Variants in ABCG2 observed in about 807,000 individuals in gnomAD.
ABCG2 encodes broad substrate specificity ATP-binding cassette transporter ABCG2.
Under a neutral mutation model 73.5 loss-of-function variants are expected in ABCG2, and 80 were observed. The observed-to-expected ratio is 1.09, with a 90% CI of 0.91 to 1.31. ABCG2 has a LOEUF of 1.31. Ranked by LOEUF, ABCG2 falls within the 50% of genes most tolerant of loss-of-function variation. ABCG2 has a pLI of 0.00. For missense variants in ABCG2, 796 were observed against 786.2 expected, an observed-to-expected ratio of 1.01 and a Z score of -0.15; for synonymous variants, 269 against 282.4, an observed-to-expected ratio of 0.95 and a Z score of 0.48.
Position 88,175,314 on chromosome 4 carries a change from A to G in ABCG2, c.-19-35300T>C, listed in dbSNP as rs561463996. Among the ~76,000 whole-genome samples the G allele has an allele frequency of 2.5e-4, 38 of 152,344 alleles. No homozygotes were observed. The South Asian group carries it at 7.7e-3, about 31-fold the overall frequency. The stretch of plus-strand genomic sequence containing the variant: ...ATCCTAGGTGTTGTATACTTCCGTT[A>G]GGAAGCTCCAAATACCTGATTTTCT... On this transcript the variant is annotated intron_variant, in intron 1 of 15. Coordinates refer to the ABCG2 transcript ENST00000515655.
intron 6 of ABCG2, among the ~76,000 whole-genome samples, chr4:88,119,462 G>A (rs1323469056): frequency 3.9e-5 from 6 of 152,226 alleles, no homozygotes; most frequent in Admixed American, 2.0e-4. Flanking sequence ...AAGAAGACAG[G>A]AAGATGTGGG....
In ABCG2 at chr4:88,153,181, G is replaced by T. The variant is rs1334499186; in HGVS notation, c.-20+5205C>A. Among the ~76,000 whole-genome samples, 16 of 150,734 alleles carry T rather than the reference G, an allele frequency of 1.1e-4. No homozygotes were observed. In the East Asian group the frequency reaches 2.8e-3, roughly 26 times the overall value. Reference sequence around the variant, plus strand: ...TTGGGGATAGCACCAGGAGATATCAGCTGTGGTGGCTTGGAGAAACAGTGT... The same window carrying T: ...TTGGGGATAGCACCAGGAGATATCATCTGTGGTGGCTTGGAGAAACAGTGT... On this transcript the variant is annotated intron_variant, in intron 1 of 15. Coordinates refer to ENST00000237612, the MANE Select transcript of ABCG2 (RefSeq NM_004827.3).
chr4:88,157,841 T>A (rs1232431704), intron 1 of ABCG2, among the ~76,000 whole-genome samples: 1 of 152,146 alleles, frequency 6.6e-6, no homozygotes, highest in African/African-American at 2.4e-5. Context: ...AAACCAAGCT[T>A]TAGGGGATAT....
chr4:88,145,745 C>T (rs1725943631), intron 1 of ABCG2, among the ~76,000 whole-genome samples: 1 of 152,018 alleles, frequency 6.6e-6, no homozygotes, highest in Admixed American at 6.6e-5. Flanking sequence ...TTCAAGACCA[C>T]CCTGGCCAAC....
chr4:88,107,988 G>A (rs1722872342), intron 9 of ABCG2, among the ~76,000 whole-genome samples: 1 of 152,180 alleles, frequency 6.6e-6, no homozygotes, highest in Non-Finnish European at 1.5e-5. Flanking sequence ...GCTTCAGCCA[G>A]TGAGGCCTAT....
chr4:88,183,420 T>G (rs1183515336), intron 1 of ABCG2, among the ~76,000 whole-genome samples: 2 of 152,018 alleles, frequency 1.3e-5, no homozygotes, highest in Non-Finnish European at 2.9e-5. Flanking sequence ...ATTCAAAGGA[T>G]CGTTAGAGTC....
chr4:88,176,165 T>G (rs1727963456), intron 1 of ABCG2, among the ~76,000 whole-genome samples: 2 of 151,822 alleles, frequency 1.3e-5, no homozygotes, highest in African/African-American at 4.8e-5. Context: ...TTGTTTTTTT[T>G]TTCTTTTTTT....
chr4:88,099,495 G>C (rs1347107354), intron 11 of ABCG2, 47 bp from the exon 12 acceptor site: 1 of 1,544,376 alleles, frequency 6.5e-7, no homozygotes, highest in African/African-American at 1.4e-5. Context: ...AGTTTAAGAA[G>C]CCACAGGGCA....
intron 1 of ABCG2, among the ~76,000 whole-genome samples, chr4:88,165,726 T>C (rs546970082): frequency 6.6e-6 from 1 of 152,070 alleles, no homozygotes; most frequent in Non-Finnish European, 1.5e-5. Context: ...ATACAAAAAT[T>C]AAGCGGGCAT....
chr4:88,132,217 G>C (rs574258516), intron 3 of ABCG2, among the ~76,000 whole-genome samples: 7 of 152,262 alleles, frequency 4.6e-5, no homozygotes, highest in African/African-American at 1.4e-4. Context: ...TCTGACCTTG[G>C]AGGTACTAAC....
At chr4:88,119,647 C>G (rs549624197) in intron 6 of ABCG2, among the ~76,000 whole-genome samples, 12 of 152,214 alleles carry the variant, frequency 7.9e-5, no homozygotes, top group African/African-American at 2.9e-4. Flanking sequence ...GCATTTTGCC[C>G]CTGCCCTAGA....
chr4:88,186,058 T>C (rs1431934107), intron 1 of ABCG2, among the ~76,000 whole-genome samples: 3 of 152,156 alleles, frequency 2.0e-5, no homozygotes, highest in Non-Finnish European at 4.4e-5. Context: ...ATATCTGCAC[T>C]CCTATGTTTA....
At chr4:88,097,295 A>G (rs1438909715) in intron 13 of ABCG2, among the ~76,000 whole-genome samples, 158 bp downstream of exon 13, 1 of 152,370 alleles carries the variant, frequency 6.6e-6, no homozygotes. Context: ...GAAAGTTAGT[A>G]TATTCTCTAA....
intron 5 of ABCG2, 95 bp downstream of exon 5, chr4:88,130,966 C>T (rs1403843826): frequency 2.9e-6 from 4 of 1,392,312 alleles, no homozygotes; most frequent in Non-Finnish European, 3.9e-6. Flanking sequence ...TTTGACCATA[C>T]ACATTACAGG....
intron 9 of ABCG2, 148 bp downstream of exon 9, chr4:88,113,155 T>C: frequency 2.7e-6 from 3 of 1,124,510 alleles, no homozygotes; most frequent in Non-Finnish European, 3.8e-6. Context: ...TTGTCCTTTA[T>C]TTGTTCTGCT....
In ABCG2 at chr4:88,140,362, T is replaced by C. The variant is rs1451467930; in HGVS notation, c.-19-348A>G. The stretch of plus-strand genomic sequence containing the variant: ...CTGGCTTGAAAAGCATATTATGATA[T>C]AAGTCAAGTGCAGGGACAGACTACA... On this transcript the variant is annotated intron_variant, in intron 1 of 15. Transcript: ENST00000237612. 7.2e-5 allele frequency among the ~76,000 whole-genome samples: 11 copies of C among 152,296 alleles called. No homozygotes were observed. In the East Asian group the frequency reaches 2.1e-3, roughly 29 times the overall value.
chr4:88,140,490 C>T (rs1285410180), intron 1 of ABCG2, among the ~76,000 whole-genome samples: 2 of 151,810 alleles, frequency 1.3e-5, no homozygotes, highest in Non-Finnish European at 2.9e-5. Flanking sequence ...GGTGTGGTGG[C>T]GTGTGCCTGT....
Position 88,207,349 on chromosome 4 carries a change from G to A in ABCG2, c.-20+23645C>T, listed in dbSNP as rs374204775. ...AACATTATCATCAGAGGCAGACTCT[G>A]TAAAGTGGTATAATATGGTTTCCTG... is the stretch of plus-strand genomic sequence containing the variant. On this transcript the variant is annotated intron_variant, in intron 1 of 15. Transcript: ENST00000515655. Among the ~76,000 whole-genome samples the A allele has an allele frequency of 2.5e-4, 38 of 152,246 alleles. No homozygotes were observed. The East Asian group carries it at 3.9e-3, about 15-fold the overall frequency.
chr4:88,205,690 T>G (rs1051301398), intron 1 of ABCG2, among the ~76,000 whole-genome samples: 1 of 152,090 alleles, frequency 6.6e-6, no homozygotes, highest in Admixed American at 6.6e-5. Context: ...TTTATTTATT[T>G]ATTTATTTTT....
Sources: allele counts gnomAD v4.1 joint callset (sites outside exome capture counted in the v4.1 genomes callset), GRCh38; gene constraint gnomAD v4.1.1; transcripts MANE v1.5; gene names NCBI Gene and HGNC (gene_info 2026-07-23, HGNC 2026-07-21).